TTC39B: variants seen among roughly 807,000 people sequenced by gnomAD.
The protein encoded by TTC39B is tetratricopeptide repeat protein 39B.
In TTC39B, 92 loss-of-function variants were observed where a neutral mutation model predicts 96.6. The ratio of observed to expected loss-of-function variants is 0.95; its 90% confidence interval spans 0.80 to 1.13. The LOEUF is 1.13. Ranked by LOEUF, TTC39B falls within the 50% of genes most tolerant of loss-of-function variation. TTC39B has a pLI of 0.00. For synonymous variants in TTC39B, 367 were observed against 299.4 expected (o/e 1.23, Z -2.33); for missense variants, 955 against 809.3 (o/e 1.18, Z -2.18).
intron 2 of TTC39B, among the ~76,000 whole-genome samples, chr9:15,226,792 T>C (rs530139325): frequency 6.6e-6 from 1 of 152,232 alleles, no homozygotes; most frequent in East Asian, 1.9e-4. Flanking sequence ...TGGGGGCAGG[T>C]CCACTCAGAG....
At chr9:15,255,476 C>T (rs906928806) in intron 2 of TTC39B, among the ~76,000 whole-genome samples, 4 of 151,788 alleles carry the variant, frequency 2.6e-5, no homozygotes, top group Non-Finnish European at 4.4e-5. Context: ...AGAAGTTTGG[C>T]GCATTTCAAA....
chr9:15,292,508 G>A (rs190343558), intron 1 of TTC39B, among the ~76,000 whole-genome samples: 24 of 152,168 alleles, frequency 1.6e-4, no homozygotes, highest in African/African-American at 5.1e-4. Context: ...ATTTTAGAGG[G>A]TACCCTTCTC....
intron 2 of TTC39B, among the ~76,000 whole-genome samples, chr9:15,229,989 A>G (rs1821334685): frequency 6.6e-6 from 1 of 152,196 alleles, no homozygotes; most frequent in Non-Finnish European, 1.5e-5. Context: ...TCTTTATAAC[A>G]TTGCATCTTC....
At chr9:15,206,091 GA>G (rs1399194055) in intron 6 of TTC39B, among the ~76,000 whole-genome samples, 1 of 152,116 alleles carries the variant, frequency 6.6e-6, no homozygotes, top group Admixed American at 6.5e-5. Flanking sequence ...ATGGGGATGT[GA>G]CAACAAGGCA....
intron 3 of TTC39B, among the ~76,000 whole-genome samples, chr9:15,220,985 T>C (rs1167122489): frequency 6.6e-6 from 1 of 152,214 alleles, no homozygotes; most frequent in East Asian, 1.9e-4. Flanking sequence ...ACAGCAGTGA[T>C]GCCGAGTTCT....
chr9:15,283,664 T>A (rs1823852482), intron 1 of TTC39B, among the ~76,000 whole-genome samples: 1 of 152,276 alleles, frequency 6.6e-6, no homozygotes, highest in African/African-American at 2.4e-5. Context: ...AACTATGGAA[T>A]TGGCACAGGA....
At chr9:15,283,208 C>G (rs143157062) in intron 1 of TTC39B, among the ~76,000 whole-genome samples, 1 of 152,098 alleles carries the variant, frequency 6.6e-6, no homozygotes, top group Non-Finnish European at 1.5e-5. Flanking sequence ...ATTTATGTAT[C>G]AAGTGGAATA....
At chr9:15,237,830 AC>A (rs1346639481) in intron 2 of TTC39B, among the ~76,000 whole-genome samples, 1 of 152,180 alleles carries the variant, frequency 6.6e-6, no homozygotes, top group Non-Finnish European at 1.5e-5. Context: ...CAAGGACACA[AC>A]AAAAAGAGAA....
At chr9:15,192,998 C>A (rs1250076963) in intron 8 of TTC39B, among the ~76,000 whole-genome samples, 1 of 152,192 alleles carries the variant, frequency 6.6e-6, no homozygotes, top group Admixed American at 6.5e-5. Context: ...CATCCCACAG[C>A]TTCCGGCAGC....
At chr9:15,235,343 G>A (rs972795621) in intron 2 of TTC39B, among the ~76,000 whole-genome samples, 2 of 152,166 alleles carry the variant, frequency 1.3e-5, no homozygotes, top group African/African-American at 4.8e-5. Flanking sequence ...TGGCTTATAG[G>A]CATTCCTGAG....
At chr9:15,170,619 G>C in exon 20 of TTC39B, 1 of 152,154 alleles carries the variant, frequency 6.6e-6, no homozygotes, top group East Asian at 1.9e-4. Flanking sequence ...CCGTGTCATG[G>C]AACTATTAAC....
chr9:15,198,529 A>G (rs1350923524), intron 8 of TTC39B, among the ~76,000 whole-genome samples: 1 of 150,794 alleles, frequency 6.6e-6, no homozygotes, highest in Admixed American at 6.6e-5. Context: ...CACTTTTGCA[A>G]ACTTCTTATA....
intron 3 of TTC39B, among the ~76,000 whole-genome samples, chr9:15,219,259 C>T (rs928074596): frequency 6.6e-6 from 1 of 152,046 alleles, no homozygotes; most frequent in Non-Finnish European, 1.5e-5. Context: ...GAGGAAGCTC[C>T]TGGAATTAAA....
intron 9 of TTC39B, among the ~76,000 whole-genome samples, chr9:15,191,890 G>T (rs1258183877): frequency 6.6e-6 from 1 of 152,158 alleles, no homozygotes; most frequent in African/African-American, 2.4e-5. Flanking sequence ...AGAAGTACGT[G>T]GTCAGATCTT....
At chr9:15,203,914 A>G (rs1013986376) in intron 6 of TTC39B, 24 bp from the exon 7 acceptor site, 2 of 1,595,790 alleles carry the variant, frequency 1.3e-6, no homozygotes, top group African/African-American at 2.7e-5. Flanking sequence ...ATAAAATTAT[A>G]TTAAGTAAAA....
At position 15,164,342 on chromosome 9, in the gene TTC39B, G is replaced by A. The variant is rs141426771; in HGVS notation, c.*7677C>T. ...TGATTCAACAAGAAACTTCACATTA[G>A]TTTACAAAGTGCTATGGACTCTAAT... On this transcript the variant is annotated 3_prime_UTR_variant, in exon 20 of 20. Transcript: ENST00000512701. 1.4e-3 allele frequency: 206 copies of A among 152,246 alleles called. 2 individuals carry two copies. The highest frequency in any genetic ancestry group is 4.5e-3 in the African/African-American group (186 of 41,552). 9.4% of individuals were successfully genotyped at this position (152,246 alleles called of 1,614,324 possible). A position where few individuals can be genotyped will look rare whatever the true frequency, so the allele number is the denominator to read the frequency against.
chr9:15,270,032 G>A (rs867720288), intron 1 of TTC39B, among the ~76,000 whole-genome samples: 13 of 152,048 alleles, frequency 8.5e-5, no homozygotes, highest in African/African-American at 3.1e-4. Flanking sequence ...AGCCAGGCAT[G>A]GTGGTGCATT....
intron 1 of TTC39B, among the ~76,000 whole-genome samples, chr9:15,284,561 ATCTCTAAAATATATT>A (rs1399136699): frequency 1.3e-5 from 2 of 152,234 alleles, no homozygotes; most frequent in African/African-American, 4.8e-5. Context: ...GTGAAAACAT[ATCTCTAAAATATATT>A]AAGTGAAAAA....
At chr9:15,225,244 A>G (rs562573974) in intron 3 of TTC39B, among the ~76,000 whole-genome samples, 27 of 152,294 alleles carry the variant, frequency 1.8e-4, no homozygotes, top group African/African-American at 6.3e-4. Context: ...CAGTATATTT[A>G]ATATGATTCC....
Sources: allele counts gnomAD v4.1 joint callset (sites outside exome capture counted in the v4.1 genomes callset), GRCh38; gene constraint gnomAD v4.1.1; transcripts MANE v1.5; gene names NCBI Gene and HGNC (gene_info 2026-07-23, HGNC 2026-07-21).